ADGRV1: variants seen among roughly 807,000 people sequenced by gnomAD.
ADGRV1 encodes the protein adhesion G protein-coupled receptor V1, also known as G-protein coupled receptor 98.
In ADGRV1, 359 loss-of-function variants were observed where a neutral mutation model predicts 596.2. The observed-to-expected ratio is 0.60, with a 90% CI of 0.55 to 0.66. ADGRV1 has a LOEUF of 0.66. ADGRV1 is among the 30% of genes least tolerant of loss of function. ADGRV1 has a pLI of 0.00. For synonymous variants in ADGRV1, 2,681 were observed against 2,679.2 expected, an observed-to-expected ratio of 1.00 and a Z score of -0.02; for missense variants, 7,274 against 7,575.6, an observed-to-expected ratio of 0.96 and a Z score of 1.48.
intron 85 of ADGRV1, among the ~76,000 whole-genome samples, chr5:91,059,486 G>A (rs1380948417): frequency 6.6e-6 from 1 of 152,132 alleles, no homozygotes; most frequent in Non-Finnish European, 1.5e-5. Context: ...CTTTTGAGAA[G>A]CTTCTTTACA....
intron 83 of ADGRV1, among the ~76,000 whole-genome samples, chr5:90,885,500 T>G (rs1379709720): frequency 6.6e-6 from 1 of 152,128 alleles, no homozygotes; most frequent in East Asian, 1.9e-4. Flanking sequence ...CTACAAAACC[T>G]CCAGTTAAAG....
chr5:91,050,621 G>C (rs924413943), intron 85 of ADGRV1, among the ~76,000 whole-genome samples: 1 of 152,114 alleles, frequency 6.6e-6, no homozygotes, highest in Non-Finnish European at 1.5e-5. Flanking sequence ...GAATTTGGGA[G>C]GCTGAGGTAG....
At chr5:90,849,428 C>T (rs1188561033) in intron 79 of ADGRV1, among the ~76,000 whole-genome samples, 2 of 152,020 alleles carry the variant, frequency 1.3e-5, no homozygotes, top group Non-Finnish European at 2.9e-5. Flanking sequence ...TCGCTCTTGT[C>T]GCCCAGGCTG....
intron 75 of ADGRV1, among the ~76,000 whole-genome samples, chr5:90,821,315 T>G (rs2150286556): frequency 6.6e-6 from 1 of 151,482 alleles, no homozygotes; most frequent in Non-Finnish European, 1.5e-5. Context: ...TTGTACATTC[T>G]TCTAAATTTT....
At chr5:90,897,424 GT>G (rs1771436917) in intron 83 of ADGRV1, among the ~76,000 whole-genome samples, 1 of 152,064 alleles carries the variant, frequency 6.6e-6, no homozygotes, top group Non-Finnish European at 1.5e-5. Context: ...ATTTAGAAGA[GT>G]AATGTGTGGA....
At position 90,684,091 on chromosome 5, in the gene ADGRV1, C is replaced by G. The variant is rs1425800594; in HGVS notation, c.6170C>G (p.Thr2057Arg). Reference sequence around the variant, plus strand: ...TTTGGAGCTAATCAGAGTGAGGCAACAATAGCTATTTCAATTTTGGATGAT... The same window carrying G: ...TTTGGAGCTAATCAGAGTGAGGCAAGAATAGCTATTTCAATTTTGGATGAT... ...ALFGANQSEA[T>R]IAISILDDDE... Residue 2057 changes from threonine to arginine, a missense_variant, in exon 28 of 90, where the codon ACA becomes AGA. Physicochemically the swap from Thr to Arg is moderately conservative, Grantham distance 71. Around this residue, in one of 5 missense-constraint regions of ADGRV1, gnomAD observed 3,643 missense variants for 3,809.2 expected, o/e 0.96. Coordinates refer to ENST00000405460, the MANE Select transcript of ADGRV1 (RefSeq NM_032119.4). 6.2e-7 allele frequency: 1 copy of G among 1,613,904 alleles called. No individual in the cohort carries two copies.
intron 83 of ADGRV1, among the ~76,000 whole-genome samples, chr5:90,873,321 G>C (rs1768886281): frequency 1.3e-5 from 2 of 152,112 alleles, no homozygotes; most frequent in Admixed American, 1.3e-4. Flanking sequence ...TTGGTTTCAG[G>C]CACTATGTTT....
chr5:91,055,249 A>AATATAT (rs151160703), intron 85 of ADGRV1, among the ~76,000 whole-genome samples: 7 of 147,178 alleles, frequency 4.8e-5, no homozygotes, highest in African/African-American at 1.5e-4. Flanking sequence ...TGCTGTTGCA[A>AATATAT]ATATATATAT....
At chr5:90,891,252 C>T (rs138108979) in intron 83 of ADGRV1, among the ~76,000 whole-genome samples, 1 of 150,016 alleles carries the variant, frequency 6.7e-6, no homozygotes, top group East Asian at 1.9e-4. Context: ...TTTTGTATTT[C>T]TCACTCTTTG....
chr5:90,984,585 G>T (rs1236304832), intron 84 of ADGRV1, among the ~76,000 whole-genome samples: 3 of 152,114 alleles, frequency 2.0e-5, no homozygotes, highest in African/African-American at 4.8e-5. Flanking sequence ...TAATATAAAA[G>T]AAATATTGCC....
At chr5:91,060,378 G>GTGTATATA (rs1234369490) in intron 85 of ADGRV1, among the ~76,000 whole-genome samples, 8 of 77,074 alleles carry the variant, frequency 1.0e-4, no homozygotes, top group African/African-American at 2.9e-4. Flanking sequence ...ATGTGTGTGT[G>GTGTATATA]TATATATATA....
chr5:91,005,378 A>ATATT (rs1554193668), intron 85 of ADGRV1, among the ~76,000 whole-genome samples: 15 of 139,742 alleles, frequency 1.1e-4, no homozygotes, highest in African/African-American at 4.2e-4. Flanking sequence ...ATATATATAT[A>ATATT]TTTTTTTGAA....
chr5:90,654,037 A>G (rs1769047791), intron 20 of ADGRV1, 85 bp downstream of exon 20: 4 of 1,371,398 alleles, frequency 2.9e-6, no homozygotes, highest in Non-Finnish European at 4.0e-6. Context: ...AAAAAGTGCT[A>G]ACATGTATTT....
At chr5:91,054,468 G>A (rs180982755) in intron 85 of ADGRV1, among the ~76,000 whole-genome samples, 3 of 152,246 alleles carry the variant, frequency 2.0e-5, no homozygotes, top group Non-Finnish European at 1.5e-5. Context: ...CATGTTAGGA[G>A]CCTGTCTTAG....
At chr5:90,690,758 T>G (rs2149620812) in intron 30 of ADGRV1, 39 bp from the exon 31 acceptor site, 1 of 1,566,342 alleles carries the variant, frequency 6.4e-7, no homozygotes, top group Admixed American at 1.9e-5. Context: ...TCTGTTTCAC[T>G]TTGTATTTGA....
Position 90,690,786 on chromosome 5 carries a change from C to A in ADGRV1, c.6707-11C>A, listed in dbSNP as rs1746367542. Reference sequence around the variant, plus strand: ...GTATTTGAAATGAACTCTGCTCTGTCTACCCTTCAGGTTTTCAGATTACTA... The same window carrying A: ...GTATTTGAAATGAACTCTGCTCTGTATACCCTTCAGGTTTTCAGATTACTA... On this transcript the variant is annotated splice_polypyrimidine_tract_variant and intron_variant, in intron 30 of 89. Coordinates refer to ENST00000405460, the MANE Select transcript of ADGRV1 (RefSeq NM_032119.4). 1.3e-6 allele frequency: 2 copies of A among 1,587,088 alleles called. No homozygotes were observed. Among genetic ancestry groups the A allele is most frequent in the African/African-American group, 2.7e-5 (2 of 74,504 alleles).
chr5:91,081,474 G>T (rs952612258), intron 86 of ADGRV1, among the ~76,000 whole-genome samples: 1 of 152,040 alleles, frequency 6.6e-6, no homozygotes, highest in African/African-American at 2.4e-5. Context: ...ACAATCATTA[G>T]GCTATAGAAT....
chr5:91,010,810 A>G (rs1782662224), intron 85 of ADGRV1, among the ~76,000 whole-genome samples: 1 of 151,968 alleles, frequency 6.6e-6, no homozygotes. Context: ...TAATTATTAG[A>G]CAAAGTAATA....
intron 85 of ADGRV1, among the ~76,000 whole-genome samples, chr5:91,022,230 G>A (rs1035297150): frequency 6.6e-6 from 1 of 151,984 alleles, no homozygotes; most frequent in African/African-American, 2.4e-5. Context: ...ATTCTATCCA[G>A]TGTATTTATC....
Sources: allele counts gnomAD v4.1 joint callset (sites outside exome capture counted in the v4.1 genomes callset), GRCh38; gene constraint gnomAD v4.1.1; regional missense constraint gnomAD v4.1.1; transcripts MANE v1.5; gene names NCBI Gene and HGNC (gene_info 2026-07-23, HGNC 2026-07-21).